Variants in KMT2C observed in about 807,000 individuals in gnomAD.
KMT2C encodes histone-lysine N-methyltransferase 2C.
KMT2C carries 88 observed loss-of-function variants against 507.9 expected under a neutral mutation model. That is an observed-to-expected ratio of 0.17 (90% confidence interval 0.15 to 0.21). The LOEUF (loss-of-function observed/expected upper bound fraction) is 0.21, where lower values mean the gene tolerates loss of function less well. KMT2C is among the 10% of genes least tolerant of loss of function. The probability of loss-of-function intolerance (pLI) is 1.00; values close to 1 mark genes in which losing one functional copy is unlikely to be tolerated. For synonymous variants in KMT2C, 2,049 were observed against 2,080.8 expected (o/e 0.98, Z 0.42); for missense variants, 4,954 against 5,957.8 (o/e 0.83, Z 5.55).
At chr7:152,145,647 A>G (rs930077537) in intron 53 of KMT2C, among the ~76,000 whole-genome samples, 1 of 152,224 alleles carries the variant, frequency 6.6e-6, no homozygotes, top group African/African-American at 2.4e-5. Context: ...AATGATTCGC[A>G]TTGAGTTCTT....
rs149438383 is a variant in KMT2C, at chr7:152,343,307, A to G, written c.251-12568T>C. ...GAAATTCTAGAGATTAAAATGATAGAGATTTTTTTAAAACTAACAGAAATG... is the reference window on the plus strand; with the variant it reads ...GAAATTCTAGAGATTAAAATGATAGGGATTTTTTTAAAACTAACAGAAATG... On this transcript the variant is annotated intron_variant, in intron 2 of 58. Transcript: ENST00000262189. 9.9e-5 allele frequency among the ~76,000 whole-genome samples: 15 copies of G among 152,264 alleles called. No individual in the cohort carries two copies. In the East Asian group the frequency reaches 2.3e-3, roughly 24 times the overall value.
At chr7:152,364,218 T>C (rs1279890200) in intron 1 of KMT2C, among the ~76,000 whole-genome samples, 3 of 152,280 alleles carry the variant, frequency 2.0e-5, no homozygotes, top group East Asian at 3.9e-4. Flanking sequence ...GTATGCCTCA[T>C]ATGCGCAAGA....
At position 152,180,069 on chromosome 7, in the gene KMT2C, G is replaced by A. The variant is rs767365126; in HGVS notation, c.7207C>T (p.Arg2403Ter). Residue 2403 changes from arginine (R) to a stop codon, truncating the protein, a stop_gained, in exon 37 of 59, where the codon CGA (arginine) becomes TGA (stop). Transcript: ENST00000262189. LOFTEE classifies it high-confidence loss of function. Reference protein sequence around the residue: ...QQQQQKKIAGRQEKGSQDSPA... With the variant: ...QQQQQKKIAG Reference sequence around the variant, plus strand: ...GAGTCCTGTGACCCCTTCTCCTGTCGACCTGCAATCTTCTTCTGCTGTTGC... The same window carrying A: ...GAGTCCTGTGACCCCTTCTCCTGTCAACCTGCAATCTTCTTCTGCTGTTGC... 1.2e-6 allele frequency: 2 copies of A among 1,614,142 alleles called. No homozygotes were observed. Among genetic ancestry groups the A allele is most frequent in the Non-Finnish European group, 1.7e-6 (2 of 1,180,010 alleles).
At position 152,171,275 on chromosome 7, in the gene KMT2C, C is replaced by G. The variant is rs2129108514; in HGVS notation, c.9442G>C (p.Ala3148Pro). 6.2e-7 allele frequency: 1 copy of G among 1,606,872 alleles called. No homozygotes were observed. Among genetic ancestry groups the G allele is most frequent in the Non-Finnish European group, 8.5e-7 (1 of 1,176,520 alleles). The change falls in exon 40 of 59, where the codon GCC (alanine) becomes CCC (proline). Residue 3148 changes from alanine to proline, a missense_variant. Transcript: ENST00000262189. ...ACAGGCAGTGTTACCTGAGGAATGG[C>G]CTGTGGTCCAAGGTTCTGTCCTTCA... ...NSEGQNLGPQ[A>P]IPQDGSITHQ...
chr7:152,315,367 A>C (rs2096712663), intron 3 of KMT2C, 29 bp from the exon 4 acceptor site: 1 of 1,552,212 alleles, frequency 6.4e-7, no homozygotes, highest in Admixed American at 1.7e-5. Context: ...AAGTCAGAGA[A>C]GGAGAAAAGT....
At chr7:152,150,100 T>C (rs932013075) in intron 51 of KMT2C, among the ~76,000 whole-genome samples, 1 of 152,196 alleles carries the variant, frequency 6.6e-6, no homozygotes, top group Non-Finnish European at 1.5e-5. Flanking sequence ...TGACTGGCAG[T>C]ATTACTGTAC....
chr7:152,154,091 C>A lies in KMT2C; in HGVS notation c.12195G>T (p.Ala4065=). The A allele has an allele frequency of 1.2e-6, 2 of 1,613,874 alleles. No individual in the cohort carries two copies. Among genetic ancestry groups the A allele is most frequent in the Non-Finnish European group, 1.7e-6 (2 of 1,179,922 alleles). ...CATTTGGGGAAGGACCAAAAGGTGA[C>A]GCAAAATATAAAGTGCCTGGCTCAG... ...IKTEPGTLYF[A]SPFGPSPNGP... is the part of the protein sequence containing the mutation. Residue 4065 remains alanine, a synonymous_variant, in exon 48 of 59, where the codon GCG becomes GCT. Transcript: ENST00000262189.
At chr7:152,170,473 A>C (rs1777566286) in intron 40 of KMT2C, among the ~76,000 whole-genome samples, 1 of 152,202 alleles carries the variant, frequency 6.6e-6, no homozygotes, top group African/African-American at 2.4e-5. Context: ...GAAAAAAGGA[A>C]AAAACAAATA....
Position 152,317,312 on chromosome 7 carries a change from T to C in KMT2C, c.390-1974A>G, listed in dbSNP as rs563761856. 1.7e-4 allele frequency among the ~76,000 whole-genome samples: 26 copies of C among 152,304 alleles called. No homozygotes were observed. In the South Asian group the frequency reaches 5.4e-3, roughly 32 times the overall value. On this transcript the variant is annotated intron_variant, in intron 3 of 58. Coordinates refer to ENST00000262189, the MANE Select transcript of KMT2C (RefSeq NM_170606.3). ...AGGTCAAACACCTCAGAGTAATTTATTGTTGACTTTTTTTTAATACGAGGT... is the reference window on the plus strand; with the variant it reads ...AGGTCAAACACCTCAGAGTAATTTACTGTTGACTTTTTTTTAATACGAGGT...
At chr7:152,214,067 A>G (rs149856395) in intron 23 of KMT2C, among the ~76,000 whole-genome samples, 5 of 152,296 alleles carry the variant, frequency 3.3e-5, no homozygotes, top group African/African-American at 4.8e-5. Flanking sequence ...AGGCAAAGAC[A>G]TAAGTGTTGG....
chr7:152,267,707 T>A (rs2095880585), intron 7 of KMT2C, among the ~76,000 whole-genome samples: 1 of 152,218 alleles, frequency 6.6e-6, no homozygotes, highest in Admixed American at 6.5e-5. Flanking sequence ...TCCAGAACAA[T>A]CTTTCAAAAA....
At chr7:152,223,514 G>A (rs2094837285) in intron 20 of KMT2C, among the ~76,000 whole-genome samples, 1 of 151,986 alleles carries the variant, frequency 6.6e-6, no homozygotes, top group Non-Finnish European at 1.5e-5. Context: ...TTAGTCTTGG[G>A]CGGGCACAGT....
chr7:152,297,211 C>T (rs2096524730), intron 6 of KMT2C, among the ~76,000 whole-genome samples: 1 of 151,974 alleles, frequency 6.6e-6, no homozygotes, highest in South Asian at 2.1e-4. Context: ...ACATATGCCC[C>T]AGCACACAAC....
In KMT2C at chr7:152,163,712, G is replaced by C; in HGVS notation, c.9865C>G (p.Pro3289Ala). Residue 3289 changes from proline to alanine, a missense_variant, in exon 43 of 59, where the codon CCC becomes GCC. Physicochemically the swap from Pro to Ala is conservative, Grantham distance 27. Transcript: ENST00000262189. ...GGTGGAGTGGCACCTGGAATTAGGG[G>C]TGGCTGGGGCTGGACACTGGGCATC... ...TMMPSVQPQP[P>A]LIPGATPPTM... The C allele has an allele frequency of 6.2e-7, 1 of 1,614,168 alleles. No homozygotes were observed. The highest frequency in any genetic ancestry group is 8.5e-7 in the Non-Finnish European group (1 of 1,180,044).
chr7:152,195,477 G>C, intron 28 of KMT2C: 1 of 917,668 alleles, frequency 1.1e-6, no homozygotes, highest in Non-Finnish European at 1.3e-6. Context: ...TATAAAAAAA[G>C]AAGACTACTT....
intron 24 of KMT2C, among the ~76,000 whole-genome samples, chr7:152,206,657 G>A (rs913338711): frequency 4.6e-5 from 7 of 152,126 alleles, no homozygotes; most frequent in East Asian, 1.9e-4. Context: ...GTGATAAGCG[G>A]GAAAAAAATT....
intron 1 of KMT2C, among the ~76,000 whole-genome samples, chr7:152,385,167 A>G (rs2097412585): frequency 6.6e-6 from 1 of 152,226 alleles, no homozygotes; most frequent in Non-Finnish European, 1.5e-5. Context: ...ATTGAATCTC[A>G]GGAATCAGCA....
chr7:152,215,725 C>T (rs28739336), intron 23 of KMT2C, among the ~76,000 whole-genome samples: 7,454 of 116,376 alleles, frequency 0.064, 498 homozygotes, highest in African/African-American at 0.22. Flanking sequence ...TATATATATA[C>T]ACACACACAC....
intron 42 of KMT2C, among the ~76,000 whole-genome samples, chr7:152,164,657 C>T (rs2092649986): frequency 1.3e-5 from 2 of 152,152 alleles, no homozygotes; most frequent in Admixed American, 1.3e-4. Flanking sequence ...ATTAAAAAGA[C>T]TAAATTTGTT....
Sources: gnomAD v4.1 joint callset for allele counts (sites outside exome capture counted in the v4.1 genomes callset) on GRCh38, gnomAD v4.1.1 for gene constraint, MANE v1.5 for transcripts, NCBI Gene and HGNC (gene_info 2026-07-23, HGNC 2026-07-21) for gene names.